Variants in AASDHPPT observed in about 807,000 individuals in gnomAD.
AASDHPPT encodes aminoadipate-semialdehyde dehydrogenase-phosphopantetheinyl transferase, also known as L-aminoadipate-semialdehyde dehydrogenase-phosphopantetheinyl transferase.
A neutral mutation model predicts 36.4 loss-of-function variants in AASDHPPT; 23 were observed. That is an observed-to-expected ratio of 0.63 (90% confidence interval 0.45 to 0.89). AASDHPPT has a LOEUF of 0.89. Among genes scored for constraint, AASDHPPT ranks in the 40% least tolerant of loss-of-function variants. The probability of loss-of-function intolerance (pLI) is 0.00; values close to 1 mark genes in which losing one functional copy is unlikely to be tolerated. For synonymous variants in AASDHPPT, 115 were observed against 128.0 expected (o/e 0.90, Z 0.68); for missense variants, 377 against 378.2 (o/e 1.00, Z 0.03).
chr11:106,078,005 A>G (rs1861080716), intron 1 of AASDHPPT, 112 bp downstream of exon 1: 1 of 1,344,774 alleles, frequency 7.4e-7, no homozygotes, highest in Non-Finnish European at 1.0e-6. Context: ...CTCGCTGTGG[A>G]GCCTGTGGCC....
intron 2 of AASDHPPT, chr11:106,089,461 A>G (rs1241097797): frequency 2.0e-5 from 3 of 152,040 alleles, no homozygotes; most frequent in African/African-American, 7.2e-5. Context: ...ATATTTAGGA[A>G]ATAATTTACC....
rs909811744 is a variant in AASDHPPT at position 106,096,986 on chromosome 11, A to G, written c.*79A>G. On this transcript the variant is annotated 3_prime_UTR_variant, in exon 6 of 6. Transcript: ENST00000278618. ...ACTGAAAAATAAATGCTTGTTTAGTATCAAATTTTATTTCACGAAAGTTTT... is the reference window on the plus strand; with the variant it reads ...ACTGAAAAATAAATGCTTGTTTAGTGTCAAATTTTATTTCACGAAAGTTTT... 3 of 1,357,002 alleles carry G rather than the reference A, an allele frequency of 2.2e-6. No individual in the cohort carries two copies. The highest frequency in any genetic ancestry group is 3.4e-5 in the Admixed American group (1 of 29,542). The allele number at this position is 1,357,002 out of a possible 1,614,324, so 84.1% of individuals were successfully genotyped here.
chr11:106,089,637 ATAT>A (rs1415034181), intron 2 of AASDHPPT: 9 of 152,130 alleles, frequency 5.9e-5, no homozygotes, highest in Admixed American at 2.0e-4. Context: ...ATATTTATAC[ATAT>A]TATGCATATT....
intron 4 of AASDHPPT, 117 bp from the exon 5 acceptor site, chr11:106,094,466 G>A (rs890143502): frequency 5.9e-6 from 4 of 674,016 alleles, no homozygotes; most frequent in Non-Finnish European, 9.4e-6. Context: ...GCGTGTGAGT[G>A]TACGTATATG....
At chr11:106,087,856 T>C (rs1446898263) in intron 2 of AASDHPPT, among the ~76,000 whole-genome samples, 1 of 152,160 alleles carries the variant, frequency 6.6e-6, no homozygotes, top group Non-Finnish European at 1.5e-5. Context: ...GTGTATGTAA[T>C]GGTATTATTA....
intron 1 of AASDHPPT, among the ~76,000 whole-genome samples, chr11:106,078,445 G>T (rs867343412): frequency 6.6e-6 from 1 of 152,170 alleles, no homozygotes; most frequent in African/African-American, 2.4e-5. Context: ...ATGGGAAACA[G>T]TATTTTACGT....
chr11:106,093,478 G>A (rs969028588), intron 4 of AASDHPPT: 1 of 152,022 alleles, frequency 6.6e-6, no homozygotes, highest in African/African-American at 2.4e-5. Flanking sequence ...CTTACTTTGC[G>A]ATAACTTTGA....
chr11:106,090,685 T>G lies in AASDHPPT; in HGVS notation c.531+7T>G. Reference sequence around the variant, plus strand: ...TATGTTTTATAGGAATTGGGTATAATTCTTTCTAATTTTGAAAGCAAAAGT... The same window carrying G: ...TATGTTTTATAGGAATTGGGTATAAGTCTTTCTAATTTTGAAAGCAAAAGT... On this transcript the variant is annotated splice_region_variant and intron_variant, in intron 3 of 5. Transcript: ENST00000278618. The G allele has an allele frequency of 1.3e-6, 2 of 1,575,572 alleles. No homozygotes were observed.
chr11:106,088,676 C>T (rs1023597811), intron 2 of AASDHPPT, among the ~76,000 whole-genome samples: 1 of 151,934 alleles, frequency 6.6e-6, no homozygotes, highest in South Asian at 2.1e-4. Flanking sequence ...ATGCATTGAA[C>T]AAAAAAGTTT....
Position 106,084,359 on chromosome 11 carries a change from A to G in AASDHPPT, c.409+4667A>G, listed in dbSNP as rs894023762. Among the ~76,000 whole-genome samples, 8 of 152,354 alleles carry G rather than the reference A, an allele frequency of 5.3e-5. No homozygotes were observed. In the East Asian group the frequency reaches 1.5e-3, roughly 29 times the overall value. ...CAAAACCTGAATGCTGCTAATAGAA[A>G]TTGGTTAAATAAATTAATGGTGGAT... is the stretch of plus-strand genomic sequence containing the variant. On this transcript the variant is annotated intron_variant, in intron 2 of 5. Coordinates refer to ENST00000278618, the MANE Select transcript of AASDHPPT (RefSeq NM_015423.3).
Position 106,096,950 on chromosome 11 carries a change from C to A in AASDHPPT, c.*43C>A, listed in dbSNP as rs369569371. 5.8e-4 allele frequency: 870 copies of A among 1,505,298 alleles called. 21 individuals carry two copies. The South Asian group carries it at 9.4e-3, about 16-fold the overall frequency. The allele number at this position is 1,505,298 out of a possible 1,614,324, so 93.2% of individuals were successfully genotyped here. A position where few individuals can be genotyped will look rare whatever the true frequency, so the allele number is the denominator to read the frequency against. ...AAGGGAAATGAAAACTGTTTGTGAT[C>A]TTCCGTATTCACTGAAAAATAAATG... is the stretch of plus-strand genomic sequence containing the variant. On this transcript the variant is annotated 3_prime_UTR_variant, in exon 6 of 6. Transcript: ENST00000278618.
chr11:106,096,022 A>G (rs751385831), intron 5 of AASDHPPT, among the ~76,000 whole-genome samples: 1 of 152,102 alleles, frequency 6.6e-6, no homozygotes, highest in African/African-American at 2.4e-5. Context: ...CATTTAACCT[A>G]TGTTTTGAGC....
chr11:106,094,478 A>G lies in AASDHPPT; in HGVS notation c.694-105A>G, dbSNP rs533003962. On this transcript the variant is annotated intron_variant, in intron 4 of 5. Coordinates refer to ENST00000278618, the MANE Select transcript of AASDHPPT (RefSeq NM_015423.3). ...CACGCGTGTGAGTGTACGTATATGT[A>G]TATATATATAGAGAGAGAGAGAATG... is the stretch of plus-strand genomic sequence containing the variant. 1.5e-4 allele frequency: 110 copies of G among 728,002 alleles called. 2 individuals carry two copies. The highest frequency in any genetic ancestry group is 4.4e-4 in the African/African-American group (24 of 54,768). 45.1% of individuals were successfully genotyped at this position (728,002 alleles called of 1,614,324 possible). A position where few individuals can be genotyped will look rare whatever the true frequency, so the allele number is the denominator to read the frequency against.
chr11:106,094,329 A>C (rs781006327), intron 4 of AASDHPPT: 8 of 298,074 alleles, frequency 2.7e-5, no homozygotes, highest in Non-Finnish European at 4.9e-5. Context: ...GACGTTATTA[A>C]CTGCTGTGGT....
intron 5 of AASDHPPT, among the ~76,000 whole-genome samples, 176 bp downstream of exon 5, chr11:106,094,830 C>T (rs1302196772): frequency 6.6e-6 from 1 of 152,020 alleles, no homozygotes; most frequent in Non-Finnish European, 1.5e-5. Context: ...TTTGTAGAAA[C>T]ATTTTTAAAA....
In AASDHPPT at chr11:106,079,515, C is replaced by T. The variant is rs1861109690; in HGVS notation, c.232C>T (p.Pro78Ser). 1.2e-6 allele frequency: 2 copies of T among 1,613,902 alleles called. No individual in the cohort carries two copies. The highest frequency in any genetic ancestry group is 2.2e-5 in the East Asian group (1 of 44,872). Residue 78 changes from proline (P) to serine (S), a missense_variant, in exon 2 of 6, where the codon CCT (proline) becomes TCT (serine). Pro to Ser is a moderately conservative substitution (Grantham distance 74, BLOSUM62 -1). Coordinates refer to ENST00000278618, the MANE Select transcript of AASDHPPT (RefSeq NM_015423.3). Reference sequence around the variant, plus strand: ...ATTAGTTGCAGAGAAATTGAATATCCCTTGGAATCATATTCGTTTGCAAAG... The same window carrying T: ...ATTAGTTGCAGAGAAATTGAATATCTCTTGGAATCATATTCGTTTGCAAAG... Reference protein sequence around the residue: ...RKLVAEKLNIPWNHIRLQRTA... With the variant: ...RKLVAEKLNISWNHIRLQRTA...
chr11:106,080,218 T>C (rs1211057455), intron 2 of AASDHPPT, among the ~76,000 whole-genome samples: 12 of 152,126 alleles, frequency 7.9e-5, no homozygotes, highest in Admixed American at 7.9e-4. Flanking sequence ...ATTTGCAGGA[T>C]ATGAAACCTG....
At chr11:106,079,986 T>C (rs1321065300) in intron 2 of AASDHPPT, among the ~76,000 whole-genome samples, 1 of 152,256 alleles carries the variant, frequency 6.6e-6, no homozygotes, top group African/African-American at 2.4e-5. Flanking sequence ...TTTATTTCAC[T>C]TAAACATTAA....
intron 2 of AASDHPPT, among the ~76,000 whole-genome samples, chr11:106,080,254 A>G (rs572418816): frequency 6.6e-6 from 1 of 152,234 alleles, no homozygotes; most frequent in South Asian, 2.1e-4. Flanking sequence ...GACTTCATAT[A>G]TGCAGGTTCC....
Sources: gnomAD v4.1 joint callset for allele counts (sites outside exome capture counted in the v4.1 genomes callset) on GRCh38, gnomAD v4.1.1 for gene constraint, MANE v1.5 for transcripts, NCBI Gene and HGNC (gene_info 2026-07-23, HGNC 2026-07-21) for gene names.